The following MEIS2 variants were observed in gnomAD, a reference collection of about 807,000 sequenced individuals.
MEIS2 encodes the protein Meis homeobox 2, also known as homeobox protein Meis2.
In MEIS2, 9 loss-of-function variants were observed where a neutral mutation model predicts 58.6. That is an observed-to-expected ratio of 0.15 (90% CI 0.09 to 0.27). The LOEUF is 0.27. Ranked by LOEUF, MEIS2 falls within the 10% of genes least tolerant of loss-of-function variation. The pLI is 1.00. For missense variants in MEIS2, 427 were observed against 635.0 expected (o/e 0.67, Z 3.52); for synonymous variants, 221 against 228.4 (o/e 0.97, Z 0.29).
At chr15:37,020,595 A>G (rs368834386) in intron 8 of MEIS2, among the ~76,000 whole-genome samples, 3 of 151,994 alleles carry the variant, frequency 2.0e-5, no homozygotes, top group East Asian at 1.9e-4. Context: ...AAGATAAGAT[A>G]GTATTTTAGA....
Position 37,027,092 on chromosome 15 carries a change from C to T in MEIS2, c.900+9722G>A, listed in dbSNP as rs138678367. On this transcript the variant is annotated intron_variant, in intron 8 of 11. Transcript: ENST00000561208. ...TCAATTTAGAAAGTGGCACACAGCA[C>T]CTAAATGTAATAAGGCAAACTCCAT... Among the ~76,000 whole-genome samples the T allele has an allele frequency of 7.3e-4, 111 of 152,298 alleles. 1 individual carries two copies. The East Asian group carries it at 0.02, about 28-fold the overall frequency.
intron 7 of MEIS2, among the ~76,000 whole-genome samples, chr15:37,048,887 C>T (rs1052902977): frequency 6.6e-6 from 1 of 152,080 alleles, no homozygotes; most frequent in African/African-American, 2.4e-5. Context: ...AAACCATTAA[C>T]ACACCAAATT....
chr15:37,018,288 AC>A (rs1302633734), intron 8 of MEIS2, among the ~76,000 whole-genome samples: 1 of 152,154 alleles, frequency 6.6e-6, no homozygotes, highest in Non-Finnish European at 1.5e-5. Flanking sequence ...CAATTACTGG[AC>A]CTTGCCGGCA....
intron 7 of MEIS2, among the ~76,000 whole-genome samples, chr15:37,061,833 T>G (rs1889256884): frequency 6.6e-6 from 1 of 152,158 alleles, no homozygotes; most frequent in Non-Finnish European, 1.5e-5. Context: ...TCTGGATATC[T>G]TCCTATAAAT....
At chr15:36,974,610 T>C (rs1356075171) in intron 8 of MEIS2, among the ~76,000 whole-genome samples, 3 of 152,182 alleles carry the variant, frequency 2.0e-5, no homozygotes, top group African/African-American at 7.2e-5. Context: ...CACCTTATAC[T>C]TTCTGGATGT....
At chr15:36,932,668 G>A (rs2058026348) in intron 9 of MEIS2, among the ~76,000 whole-genome samples, 2 of 152,126 alleles carry the variant, frequency 1.3e-5, no homozygotes, top group Non-Finnish European at 2.9e-5. Context: ...GCATGTGTGT[G>A]TGCACGTGTG....
chr15:37,074,217 T>A (rs1181011862), intron 7 of MEIS2, among the ~76,000 whole-genome samples: 1 of 152,008 alleles, frequency 6.6e-6, no homozygotes, highest in Non-Finnish European at 1.5e-5. Flanking sequence ...AGTCTATTGG[T>A]ATTAATACTA....
At chr15:37,022,282 T>A (rs1165139962) in intron 8 of MEIS2, among the ~76,000 whole-genome samples, 1 of 152,162 alleles carries the variant, frequency 6.6e-6, no homozygotes, top group Non-Finnish European at 1.5e-5. Context: ...GATATTATAA[T>A]TTTTTATTCT....
intron 7 of MEIS2, among the ~76,000 whole-genome samples, chr15:37,037,515 C>G (rs1199549649): frequency 6.6e-6 from 1 of 151,700 alleles, no homozygotes; most frequent in Admixed American, 6.6e-5. Context: ...ACTTTTAGCT[C>G]TCTGCACCAC....
intron 8 of MEIS2, among the ~76,000 whole-genome samples, chr15:36,964,788 C>G (rs1325008848): frequency 1.3e-5 from 2 of 152,080 alleles, no homozygotes; most frequent in Non-Finnish European, 2.9e-5. Context: ...ACTCAGGAAA[C>G]ACATGTGCTA....
intron 8 of MEIS2, among the ~76,000 whole-genome samples, chr15:36,998,961 T>A (rs2060628628): frequency 6.6e-6 from 1 of 152,244 alleles, no homozygotes; most frequent in South Asian, 2.1e-4. Context: ...CATTCTTCTG[T>A]GCTCTTTCTT....
intron 1 of MEIS2, chr15:37,098,828 A>T: frequency 1.3e-6 from 1 of 767,054 alleles, no homozygotes; most frequent in Non-Finnish European, 1.6e-6. Context: ...GCCGAGGACT[A>T]GGAAAGACTA....
At chr15:36,957,879 C>T (rs2059041292) in intron 8 of MEIS2, among the ~76,000 whole-genome samples, 1 of 152,130 alleles carries the variant, frequency 6.6e-6, no homozygotes, top group African/African-American at 2.4e-5. Context: ...GAGATTGAGA[C>T]AATCATTTAA....
chr15:36,942,132 AGGATTCT>A (rs1024455123), intron 9 of MEIS2, among the ~76,000 whole-genome samples: 18 of 152,300 alleles, frequency 1.2e-4, no homozygotes, highest in African/African-American at 4.3e-4. Context: ...TGCAGAATTA[AGGATTCT>A]GGATGAGGGC....
chr15:37,050,782 A>G (rs2062885297), intron 7 of MEIS2: 1 of 152,206 alleles, frequency 6.6e-6, no homozygotes, highest in South Asian at 2.1e-4. Flanking sequence ...TTGGAATAAA[A>G]CAGATCTTGT....
intron 8 of MEIS2, among the ~76,000 whole-genome samples, chr15:36,967,134 T>C (rs1402504433): frequency 6.6e-6 from 1 of 152,212 alleles, no homozygotes; most frequent in Admixed American, 6.5e-5. Context: ...TCCATTGCTC[T>C]GTCATGTAAT....
intron 7 of MEIS2, among the ~76,000 whole-genome samples, chr15:37,044,468 A>G (rs2062577153): frequency 6.6e-6 from 1 of 152,190 alleles, no homozygotes; most frequent in Non-Finnish European, 1.5e-5. Flanking sequence ...TGTGGATCTA[A>G]AGCTCAAATT....
intron 7 of MEIS2, among the ~76,000 whole-genome samples, chr15:37,067,082 C>T (rs969188199): frequency 6.8e-6 from 1 of 147,174 alleles, no homozygotes; most frequent in East Asian, 2.1e-4. Flanking sequence ...CAGCCAGCAA[C>T]TAACTCTTTT....
intron 7 of MEIS2, among the ~76,000 whole-genome samples, chr15:37,040,047 G>GTT (rs11393172): frequency 2.2e-3 from 314 of 145,098 alleles, no homozygotes; most frequent in African/African-American, 5.8e-3. Context: ...GGATATTGGT[G>GTT]TTTTTTTTTT....
Sources: gnomAD v4.1 joint callset for allele counts (sites outside exome capture counted in the v4.1 genomes callset) on GRCh38, gnomAD v4.1.1 for gene constraint, MANE v1.5 for transcripts, NCBI Gene and HGNC (gene_info 2026-07-23, HGNC 2026-07-21) for gene names.